FAM227B: variants seen among roughly 807,000 people sequenced by gnomAD.
FAM227B encodes family with sequence similarity 227 member B, also known as protein FAM227B.
In FAM227B, 88 loss-of-function variants were observed where a neutral mutation model predicts 73.8. That is an observed-to-expected ratio of 1.19 (90% confidence interval 1.00 to 1.42). The LOEUF is 1.42. Ranked by LOEUF, FAM227B falls within the 40% of genes most tolerant of loss-of-function variation. The pLI, the probability that FAM227B is intolerant of heterozygous loss-of-function variation, is 0.00. For synonymous variants in FAM227B, 210 were observed against 190.5 expected (o/e 1.10, Z -0.84); for missense variants, 632 against 590.9 (o/e 1.07, Z -0.72).
rs1598413787 is a variant in FAM227B, at chr15:49,589,926, A to G, written c.187T>C (p.Phe63Leu). Residue 63 changes from phenylalanine (F) to leucine (L), a missense_variant, in exon 4 of 16, where the codon TTT becomes CTT. Transcript: ENST00000299338. ...CATAGGTGTGTATAAATTGAAACAA[A>G]TGAACTATCTTCTTTTATTTTTTTC... ...TLKKIKEDSSFVSIYTHLWEN... is the reference protein window; with the variant it reads ...TLKKIKEDSSLVSIYTHLWEN... The G allele has an allele frequency of 1.9e-6, 3 of 1,601,782 alleles. No individual in the cohort carries two copies. The East Asian group carries it at 6.7e-5, about 36-fold the overall frequency.
intron 9 of FAM227B, among the ~76,000 whole-genome samples, chr15:49,543,598 GT>G (rs1442318689): frequency 1.3e-5 from 2 of 152,076 alleles, no homozygotes; most frequent in African/African-American, 4.8e-5. Context: ...GTCTAGAAGA[GT>G]TTTTTCAATG....
chr15:49,341,148 G>A (rs1015018112), intron 13 of FAM227B, among the ~76,000 whole-genome samples: 1 of 152,170 alleles, frequency 6.6e-6, no homozygotes, highest in African/African-American at 2.4e-5. Flanking sequence ...CCAGTACCAT[G>A]CTGTTTGGGT....
chr15:49,460,026 C>T (rs761087692), intron 11 of FAM227B, among the ~76,000 whole-genome samples: 3 of 152,148 alleles, frequency 2.0e-5, no homozygotes, highest in Non-Finnish European at 4.4e-5. Flanking sequence ...CTTCCCTTGA[C>T]ACCACACCTC....
At chr15:49,617,778 G>T (rs78260054) in intron 1 of FAM227B, among the ~76,000 whole-genome samples, 2 of 123,982 alleles carry the variant, frequency 1.6e-5, no homozygotes, top group Non-Finnish European at 3.1e-5. Context: ...TTCATGTTTT[G>T]TGTGTGTGTG....
At chr15:49,538,546 G>C (rs952916045) in intron 10 of FAM227B, among the ~76,000 whole-genome samples, 2 of 152,174 alleles carry the variant, frequency 1.3e-5, no homozygotes, top group East Asian at 3.9e-4. Context: ...GTGGGTCAAG[G>C]CTTCAGGTCC....
At chr15:49,544,287 T>A (rs1288762253) in intron 9 of FAM227B, among the ~76,000 whole-genome samples, 1 of 152,200 alleles carries the variant, frequency 6.6e-6, no homozygotes, top group African/African-American at 2.4e-5. Context: ...CGGACTGAGT[T>A]CTTCATTTGA....
At chr15:49,392,862 T>C (rs1375184706) in intron 11 of FAM227B, among the ~76,000 whole-genome samples, 1 of 152,174 alleles carries the variant, frequency 6.6e-6, no homozygotes, top group East Asian at 1.9e-4. Flanking sequence ...TTATTTGTAA[T>C]GGAGAAAGGT....
intron 15 of FAM227B, chr15:49,329,728 T>A (rs1266909723): frequency 1.0e-6 from 1 of 973,824 alleles, no homozygotes; most frequent in Non-Finnish European, 1.2e-6. Flanking sequence ...TTATAATCCT[T>A]TATTTTTTAA....
chr15:49,598,775 T>C (rs1362361219), intron 3 of FAM227B, among the ~76,000 whole-genome samples: 1 of 152,068 alleles, frequency 6.6e-6, no homozygotes, highest in African/African-American at 2.4e-5. Flanking sequence ...TGTTGAAACG[T>C]CCTTGCATCC....
intron 11 of FAM227B, among the ~76,000 whole-genome samples, chr15:49,403,430 T>C (rs11852524): frequency 0.75 from 113,517 of 152,060 alleles, 42,741 homozygotes; most frequent in African/African-American, 0.8. Flanking sequence ...ATTATCGCCT[T>C]AATTTCAGAA....
intron 11 of FAM227B, among the ~76,000 whole-genome samples, chr15:49,444,033 T>C (rs1488548559): frequency 6.6e-6 from 1 of 151,674 alleles, no homozygotes; most frequent in Non-Finnish European, 1.5e-5. Flanking sequence ...GAATAGCAGG[T>C]GTAAACTAAC....
chr15:49,460,828 G>C (rs2053723939), intron 11 of FAM227B, among the ~76,000 whole-genome samples: 1 of 152,132 alleles, frequency 6.6e-6, no homozygotes, highest in Admixed American at 6.5e-5. Context: ...GTGTGAGGCA[G>C]ATATCAAAGA....
chr15:49,519,880 G>A (rs185605485), intron 10 of FAM227B, among the ~76,000 whole-genome samples: 1 of 152,220 alleles, frequency 6.6e-6, no homozygotes, highest in African/African-American at 2.4e-5. Flanking sequence ...TTTCTTTTCC[G>A]TCGCATTATT....
At chr15:49,531,748 C>T (rs528844222) in intron 10 of FAM227B, among the ~76,000 whole-genome samples, 3 of 152,024 alleles carry the variant, frequency 2.0e-5, no homozygotes, top group East Asian at 1.9e-4. Context: ...CCTGAGAGAA[C>T]GTGCAACCCT....
chr15:49,508,934 G>T (rs2058777060), intron 10 of FAM227B, among the ~76,000 whole-genome samples: 1 of 152,208 alleles, frequency 6.6e-6, no homozygotes. Context: ...CAGTTCCCAA[G>T]AGTAGGGGGA....
chr15:49,385,860 C>A (rs1432902045), intron 11 of FAM227B, among the ~76,000 whole-genome samples: 3 of 151,640 alleles, frequency 2.0e-5, no homozygotes, highest in Admixed American at 6.6e-5. Context: ...ATTCTTTTAT[C>A]AGACAAAACA....
chr15:49,378,266 G>T (rs996123803), intron 11 of FAM227B, among the ~76,000 whole-genome samples: 1 of 151,118 alleles, frequency 6.6e-6, no homozygotes, highest in Non-Finnish European at 1.5e-5. Context: ...CTCTAGTTTT[G>T]CTCTTTTTGC....
At chr15:49,412,178 C>T (rs2048912341) in intron 11 of FAM227B, among the ~76,000 whole-genome samples, 1 of 151,854 alleles carries the variant, frequency 6.6e-6, no homozygotes, top group Admixed American at 6.6e-5. Context: ...CATGTGTAGC[C>T]AAAAAATTAT....
intron 13 of FAM227B, among the ~76,000 whole-genome samples, chr15:49,364,341 G>A (rs2044749916): frequency 6.6e-6 from 1 of 152,048 alleles, no homozygotes; most frequent in Non-Finnish European, 1.5e-5. Flanking sequence ...TTCAATCTTA[G>A]TAGGTTGTAT....
Sources: gnomAD v4.1 joint callset for allele counts (sites outside exome capture counted in the v4.1 genomes callset) on GRCh38, gnomAD v4.1.1 for gene constraint, MANE v1.5 for transcripts, NCBI Gene and HGNC (gene_info 2026-07-23, HGNC 2026-07-21) for gene names.